The following RAB37 variants were observed in gnomAD, a reference collection of about 807,000 sequenced individuals.
The protein encoded by RAB37 is RAB37, member RAS oncogene family, also known as ras-related protein Rab-37.
Under a neutral mutation model 33.1 loss-of-function variants are expected in RAB37, and 29 were observed. The ratio of observed to expected loss-of-function variants is 0.88; its 90% confidence interval spans 0.65 to 1.20. The LOEUF (loss-of-function observed/expected upper bound fraction) is 1.20, where lower values mean the gene tolerates loss of function less well. Among genes scored for constraint, RAB37 ranks in the 50% most tolerant of loss-of-function variants. RAB37 has a pLI of 0.00. For missense variants in RAB37, 299 were observed against 301.1 expected (o/e 0.99, Z 0.05); for synonymous variants, 128 against 119.5 (o/e 1.07, Z -0.47).
intron 1 of RAB37, among the ~76,000 whole-genome samples, chr17:74,680,471 C>T (rs929831456): frequency 8.5e-5 from 13 of 152,088 alleles, no homozygotes; most frequent in African/African-American, 3.1e-4. Flanking sequence ...TTTTTGTTCG[C>T]TAAGCATGAA....
chr17:74,681,026 G>A (rs191149389), intron 1 of RAB37, among the ~76,000 whole-genome samples: 1 of 152,262 alleles, frequency 6.6e-6, no homozygotes, highest in East Asian at 1.9e-4. Flanking sequence ...AATATTTACT[G>A]CGCACCACAT....
chr17:74,735,018 G>GAAGGAAGGAAGA (rs1207905817), upstream of RAB37, among the ~76,000 whole-genome samples: 30 of 82,312 alleles, frequency 3.6e-4, 1 homozygote, highest in African/African-American at 2.1e-3. Flanking sequence ...AGGAAGGAAG[G>GAAGGAAGGAAGA]AAGAAAGAAA....
upstream of RAB37, chr17:74,737,090 GC>G: frequency 6.2e-7 from 1 of 1,605,436 alleles, no homozygotes. Flanking sequence ...AGACCCTGCG[GC>G]TCTGCGTGCC....
intron 1 of RAB37, among the ~76,000 whole-genome samples, chr17:74,714,958 C>G (rs1261106182): frequency 6.6e-6 from 1 of 152,130 alleles, no homozygotes; most frequent in Non-Finnish European, 1.5e-5. Context: ...CCCGTCTCTA[C>G]TAAAAATACA....
chr17:74,737,929 C>G (rs559175512), intron 1 of RAB37, among the ~76,000 whole-genome samples: 8 of 152,298 alleles, frequency 5.3e-5, no homozygotes, highest in African/African-American at 1.9e-4. Context: ...TGTTGCCAGC[C>G]GGCCTGCAGG....
At chr17:74,696,049 A>G in intron 1 of RAB37, 1 of 1,267,694 alleles carries the variant, frequency 7.9e-7, no homozygotes, top group Non-Finnish European at 1.1e-6. Flanking sequence ...CCAGGCCCTC[A>G]GCCCCCAGGC....
At chr17:74,722,969 G>A (rs941711646) in intron 1 of RAB37, among the ~76,000 whole-genome samples, 13 of 152,196 alleles carry the variant, frequency 8.5e-5, no homozygotes, top group African/African-American at 3.1e-4. Flanking sequence ...TCACAGAAAA[G>A]CAGCAATAGT....
rs2034640728 is a variant in RAB37 at position 74,742,405 on chromosome 17, G to T, written c.246+110G>T. ...TGCCCTCCGCCTGGGGCAATTTCCT[G>T]TGGGGCCCACGGGAGGAAATGGCTT... On this transcript the variant is annotated intron_variant, in intron 3 of 8. Coordinates refer to ENST00000392613, the MANE Select transcript of RAB37 (RefSeq NM_001006638.3). The surrounding 1 kb of genome is among the most constrained non-coding windows in gnomAD (Gnocchi z 4.0). 1 of 817,448 alleles carries T rather than the reference G, an allele frequency of 1.2e-6. No individual in the cohort carries two copies. The highest frequency in any genetic ancestry group is 2.8e-5 in the Admixed American group (1 of 35,528). 50.6% of individuals were successfully genotyped at this position (817,448 alleles called of 1,614,324 possible).
chr17:74,715,237 G>A (rs2034151130), intron 1 of RAB37, among the ~76,000 whole-genome samples: 1 of 152,226 alleles, frequency 6.6e-6, no homozygotes, highest in South Asian at 2.1e-4. Flanking sequence ...ACAAGGGAGT[G>A]AGTCTCAAAG....
At chr17:74,731,359 G>A (rs937993362) in intron 2 of RAB37, among the ~76,000 whole-genome samples, 16 of 152,250 alleles carry the variant, frequency 1.1e-4, no homozygotes, top group African/African-American at 3.1e-4. Flanking sequence ...GGTGGCAGGG[G>A]AGGGACAGAG....
rs932262169 is a variant in RAB37 at position 74,729,540 on chromosome 17, T to C, written c.183+174T>C. Among the ~76,000 whole-genome samples the C allele has an allele frequency of 6.6e-6, 1 of 151,864 alleles. No individual in the cohort carries two copies. Among genetic ancestry groups the C allele is most frequent in the Non-Finnish European group, 1.5e-5 (1 of 67,992 alleles). Reference sequence around the variant, plus strand: ...TGTTGGGTGACCAGGAGGGAGGGTATACTGCCCCTGGGTAGTCCAGGAACT... The same window carrying C: ...TGTTGGGTGACCAGGAGGGAGGGTACACTGCCCCTGGGTAGTCCAGGAACT... On this transcript the variant is annotated intron_variant, in intron 2 of 7. Coordinates refer to the RAB37 transcript ENST00000340415. This position sits in a 1 kb window ranked among gnomAD's most constrained non-coding sequence, Gnocchi z 4.2.
chr17:74,692,012 C>A (rs926290083), intron 1 of RAB37, among the ~76,000 whole-genome samples: 2 of 151,758 alleles, frequency 1.3e-5, no homozygotes, highest in African/African-American at 4.8e-5. Context: ...ACTACAGGCA[C>A]CCGCCACCAC....
Position 74,745,317 on chromosome 17 carries a change from A to T in RAB37, c.578A>T (p.Tyr193Phe). 1 of 1,613,924 alleles carries T rather than the reference A, an allele frequency of 6.2e-7. No individual in the cohort carries two copies. The highest frequency in any genetic ancestry group is 8.5e-7 in the Non-Finnish European group (1 of 1,179,978). Residue 193 changes from tyrosine to phenylalanine, a missense_variant, in exon 9 of 9, where the codon TAC (tyrosine) becomes TTC (phenylalanine). By Grantham distance (22) the Tyr-to-Phe change is conservative. Transcript: ENST00000392613. The surrounding 1 kb of genome is among the most constrained non-coding windows in gnomAD (Gnocchi z 4.5). ...AFLAIAKELK[Y>F]RAGHQADEPS... is the part of the protein sequence containing the mutation. ...GTCTCTTCTTCAAGGGAACTGAAAT[A>T]CCGGGCCGGGCATCAGGCGGATGAG... is the stretch of plus-strand genomic sequence containing the variant.
intron 1 of RAB37, among the ~76,000 whole-genome samples, chr17:74,728,939 CGT>C (rs930581067): frequency 1.3e-5 from 2 of 150,156 alleles, no homozygotes; most frequent in African/African-American, 2.5e-5. Context: ...GTTTCTGTGT[CGT>C]GTGTGTTCTG....
In RAB37 at chr17:74,742,846, G is replaced by C. The variant is rs889286625; in HGVS notation, c.247-283G>C. 2.1e-4 allele frequency among the ~76,000 whole-genome samples: 32 copies of C among 151,930 alleles called. No homozygotes were observed. The highest frequency in any genetic ancestry group is 2.0e-4 in the Admixed American group (3 of 15,234). ...TTCACTGTGTTAGCCAGGATGGTCT[G>C]GATCTCCTGACCTCGTGATCCGCCT... On this transcript the variant is annotated intron_variant, in intron 3 of 8. Transcript: ENST00000392613. This position sits in a 1 kb window ranked among gnomAD's most constrained non-coding sequence, Gnocchi z 4.0.
intron 1 of RAB37, among the ~76,000 whole-genome samples, chr17:74,700,707 C>G (rs1352933227): frequency 6.6e-6 from 1 of 151,980 alleles, no homozygotes; most frequent in Non-Finnish European, 1.5e-5. Context: ...AGCCGAGATC[C>G]TGCCACTGCA....
rs529040802 is a variant in RAB37 at position 74,742,350 on chromosome 17, T to A, written c.246+55T>A. ...AGGATGGAGGACCTGCCCTTCCTTC[T>A]CACCCTGAACCACAGGAGGCCTGCA... is the stretch of plus-strand genomic sequence containing the variant. On this transcript the variant is annotated intron_variant, in intron 3 of 8. Coordinates refer to ENST00000392613, the MANE Select transcript of RAB37 (RefSeq NM_001006638.3). The surrounding 1 kb of genome is among the most constrained non-coding windows in gnomAD (Gnocchi z 4.0). 2.9e-5 allele frequency: 43 copies of A among 1,463,278 alleles called. No individual in the cohort carries two copies. In the South Asian group the frequency reaches 5.1e-4, roughly 17 times the overall value. 90.6% of individuals were successfully genotyped at this position (1,463,278 alleles called of 1,614,324 possible).
intron 1 of RAB37, 89 bp from the exon 2 acceptor site, chr17:74,740,679 C>T: frequency 1.1e-6 from 1 of 950,682 alleles, no homozygotes. Flanking sequence ...CCAGCCCCCT[C>T]TTCTCTGATC....
intron 1 of RAB37, chr17:74,698,727 C>A: frequency 3.3e-6 from 3 of 910,656 alleles, no homozygotes; most frequent in South Asian, 2.1e-5. Context: ...TGGGAGGAAG[C>A]AAAGAATCAA....
Sources: gnomAD v4.1 joint callset for allele counts (sites outside exome capture counted in the v4.1 genomes callset) on GRCh38, gnomAD v4.1.1 for gene constraint, Gnocchi (gnomAD v3.1) non-coding constraint, MANE v1.5 for transcripts, NCBI Gene and HGNC (gene_info 2026-07-23, HGNC 2026-07-21) for gene names.